Variants in ATAD2B observed in about 807,000 individuals in gnomAD.
ATAD2B encodes the protein ATPase family AAA domain containing 2B, also known as ATPase family AAA domain-containing protein 2B.
Under a neutral mutation model 167.6 loss-of-function variants are expected in ATAD2B, and 40 were observed. The ratio of observed to expected loss-of-function variants is 0.24; its 90% confidence interval spans 0.19 to 0.31. The LOEUF (loss-of-function observed/expected upper bound fraction) is 0.31, where lower values mean the gene tolerates loss of function less well. Ranked by LOEUF, ATAD2B falls within the 10% of genes least tolerant of loss-of-function variation. The pLI is 1.00. For synonymous variants in ATAD2B, 579 were observed against 596.5 expected (o/e 0.97, Z 0.43); for missense variants, 1,242 against 1,757.2 (o/e 0.71, Z 5.24).
chr2:23,900,802 C>G (rs1287676123), intron 1 of ATAD2B: 3 of 152,246 alleles, frequency 2.0e-5, no homozygotes, highest in African/African-American at 7.2e-5. Context: ...AAGGAGCAGA[C>G]TTACAAACTG....
chr2:23,751,962 T>A lies in ATAD2B; in HGVS notation c.*84A>T. 2 of 1,043,762 alleles carry A rather than the reference T, an allele frequency of 1.9e-6. No individual in the cohort carries two copies. Among genetic ancestry groups the A allele is most frequent in the South Asian group, 1.4e-5 (1 of 70,286 alleles). The allele number at this position is 1,043,762 out of a possible 1,614,324, so 64.7% of individuals were successfully genotyped here. A position where few individuals can be genotyped will look rare whatever the true frequency, so the allele number is the denominator to read the frequency against. ...CTTTACACCAAGGCTCTGCACATAA[T>A]TGGTGCAATTTGAAATTGAATGGCT... On this transcript the variant is annotated 3_prime_UTR_variant, in exon 28 of 28. Transcript: ENST00000238789.
intron 23 of ATAD2B, among the ~76,000 whole-genome samples, chr2:23,764,835 G>A (rs1349584897): frequency 3.9e-5 from 6 of 152,098 alleles, no homozygotes; most frequent in African/African-American, 1.4e-4. Context: ...TTTTCTCTGT[G>A]TGCAATACAC....
chr2:23,850,336 G>T (rs1053944502), intron 13 of ATAD2B, among the ~76,000 whole-genome samples: 1 of 152,112 alleles, frequency 6.6e-6, no homozygotes, highest in Non-Finnish European at 1.5e-5. Context: ...ATTTTGAACT[G>T]AATGACAGTG....
At chr2:23,804,436 C>A (rs1319110545) in intron 18 of ATAD2B, among the ~76,000 whole-genome samples, 4 of 152,070 alleles carry the variant, frequency 2.6e-5, no homozygotes, top group African/African-American at 7.2e-5. Flanking sequence ...CGACTTCTAA[C>A]CCAGAAGCTC....
At chr2:23,895,719 AGAT>A in intron 2 of ATAD2B, 97 bp downstream of exon 2, 1 of 780,222 alleles carries the variant, frequency 1.3e-6, no homozygotes, top group Non-Finnish European at 1.9e-6. Context: ...AGTATTTACA[AGAT>A]ACTTATTTTA....
At chr2:23,791,277 T>C (rs1681654213) in intron 19 of ATAD2B, among the ~76,000 whole-genome samples, 1 of 152,202 alleles carries the variant, frequency 6.6e-6, no homozygotes, top group Non-Finnish European at 1.5e-5. Context: ...AAAGTATGTT[T>C]TCATTTCTTT....
chr2:23,826,537 C>A (rs1688286020), intron 15 of ATAD2B, among the ~76,000 whole-genome samples: 1 of 152,090 alleles, frequency 6.6e-6, no homozygotes, highest in Admixed American at 6.5e-5. Context: ...AAATAAAGAG[C>A]ATTCCTGAAT....
the ATAD2B span, among the ~76,000 whole-genome samples, chr2:23,734,981 G>T: frequency 6.6e-6 from 1 of 152,246 alleles, no homozygotes; most frequent in South Asian, 2.1e-4. Context: ...CAAATGGTAG[G>T]TAGTTACTAT....
At chr2:23,786,859 T>G (rs1344242445) in intron 20 of ATAD2B, among the ~76,000 whole-genome samples, 1 of 152,106 alleles carries the variant, frequency 6.6e-6, no homozygotes, top group Non-Finnish European at 1.5e-5. Flanking sequence ...CTGATTTTCT[T>G]AAGTCAACCT....
chr2:23,864,742 A>G (rs1694898133), intron 11 of ATAD2B, 67 bp downstream of exon 11: 3 of 680,488 alleles, frequency 4.4e-6, no homozygotes, highest in Non-Finnish European at 4.8e-6. Context: ...ATTTATAGCA[A>G]TTTACTCAAA....
In ATAD2B at chr2:23,842,207, C is replaced by T. The variant is rs974373995; in HGVS notation, c.1569-8129G>A. ...TTTCCCTCACTTCTCTTCTTGATTG[C>T]TTTTGGATTGACTTTTAAAAATTAT... On this transcript the variant is annotated intron_variant, in intron 13 of 27. Coordinates refer to ENST00000238789, the MANE Select transcript of ATAD2B (RefSeq NM_017552.4). Among the ~76,000 whole-genome samples the T allele has an allele frequency of 2.8e-4, 42 of 152,072 alleles. 1 individual carries two copies. Among genetic ancestry groups the T allele is most frequent in the Non-Finnish European group, 7.4e-5 (5 of 68,018 alleles).
the ATAD2B span, chr2:23,696,773 T>G: frequency 2.6e-6 from 1 of 383,222 alleles, no homozygotes; most frequent in Non-Finnish European, 4.7e-6. The surrounding 1 kb of genome is among the most constrained non-coding windows in gnomAD (Gnocchi z 5.5). Context: ...ACAACCCATT[T>G]AGGTGTCAGA....
the ATAD2B span, among the ~76,000 whole-genome samples, chr2:23,727,523 G>A: frequency 3.3e-5 from 5 of 152,132 alleles, no homozygotes; most frequent in African/African-American, 1.2e-4. Context: ...GAAACTAAGA[G>A]TACCCTTTCC....
Position 23,751,872 on chromosome 2 carries a change from T to C in ATAD2B, c.*174A>G, listed in dbSNP as rs1228994442. On this transcript the variant is annotated 3_prime_UTR_variant, in exon 28 of 28. Transcript: ENST00000238789. ...GTTCTGTTTGGTTCTTGTAGGCTGG[T>C]TGGTTTCAGGTACCTGAGACAATAG... The C allele has an allele frequency of 1.3e-5, 8 of 595,474 alleles. No homozygotes were observed. Among genetic ancestry groups the C allele is most frequent in the Non-Finnish European group, 2.1e-5 (7 of 332,686 alleles). The allele number at this position is 595,474 out of a possible 1,614,324, so 36.9% of individuals were successfully genotyped here.
At chr2:23,904,923 C>A (rs1701297599) in intron 1 of ATAD2B, among the ~76,000 whole-genome samples, 1 of 152,028 alleles carries the variant, frequency 6.6e-6, no homozygotes, top group Admixed American at 6.6e-5. Flanking sequence ...TTATTTAGGG[C>A]CAACACTATT....
intron 22 of ATAD2B, among the ~76,000 whole-genome samples, chr2:23,766,129 GAA>G (rs1264390000): frequency 6.6e-6 from 1 of 152,040 alleles, no homozygotes; most frequent in Non-Finnish European, 1.5e-5. Context: ...GAGAAATACA[GAA>G]AGACTTTCTA....
chr2:23,700,082 C>T, the ATAD2B span, among the ~76,000 whole-genome samples: 1 of 152,208 alleles, frequency 6.6e-6, no homozygotes, highest in Non-Finnish European at 1.5e-5. The surrounding 1 kb of genome is among the most constrained non-coding windows in gnomAD (Gnocchi z 4.6). Flanking sequence ...CTTTGGATTC[C>T]ATTTGCATCC....
At chr2:23,710,245 C>T in the ATAD2B span, among the ~76,000 whole-genome samples, 1 of 147,360 alleles carries the variant, frequency 6.8e-6, no homozygotes. Context: ...CTAAGTGATT[C>T]CAACAGTTAA....
chr2:23,823,606 T>G, intron 15 of ATAD2B, 37 bp from the exon 16 acceptor site: 1 of 1,558,924 alleles, frequency 6.4e-7, no homozygotes, highest in African/African-American at 1.4e-5. Context: ...AAAGGTACAT[T>G]CATTATTCCA....
Sources: allele counts gnomAD v4.1 joint callset (sites outside exome capture counted in the v4.1 genomes callset), GRCh38; gene constraint gnomAD v4.1.1; non-coding constraint Gnocchi (gnomAD v3.1); transcripts MANE v1.5; gene names NCBI Gene and HGNC (gene_info 2026-07-23, HGNC 2026-07-21).